FAM177A1: variants seen among roughly 807,000 people sequenced by gnomAD.
The protein encoded by FAM177A1 is protein FAM177A1.
A neutral mutation model predicts 26.1 loss-of-function variants in FAM177A1; 22 were observed. That is an observed-to-expected ratio of 0.84 (90% CI 0.60 to 1.20). The LOEUF (loss-of-function observed/expected upper bound fraction) is 1.20. Ranked by LOEUF, FAM177A1 falls within the 50% of genes most tolerant of loss-of-function variation. The pLI is 0.00. For missense variants in FAM177A1, 296 were observed against 291.1 expected, an observed-to-expected ratio of 1.02 and a Z score of -0.12; for synonymous variants, 95 against 99.3, an observed-to-expected ratio of 0.96 and a Z score of 0.26.
At chr14:35,047,992 G>T (rs2044901059) in intron 1 of FAM177A1, among the ~76,000 whole-genome samples, 1 of 152,110 alleles carries the variant, frequency 6.6e-6, no homozygotes, top group African/African-American at 2.4e-5. Flanking sequence ...AACAGAGCAA[G>T]AACCCATCTC....
Position 35,046,348 on chromosome 14 carries a change from C to T in FAM177A1, c.-116C>T. 8.0e-7 allele frequency: 1 copy of T among 1,245,664 alleles called. No homozygotes were observed. Among genetic ancestry groups the T allele is most frequent in the South Asian group, 1.8e-5 (1 of 54,280 alleles). The allele number at this position is 1,245,664 out of a possible 1,614,324, so 77.2% of individuals were successfully genotyped here. ...GCGCGGGCTGGCCCCGCCCCTCAGG[C>T]CGGCGAGTCCCCTTCTCAGAGACTT... On this transcript the variant is annotated 5_prime_UTR_variant, in exon 1 of 5. Transcript: ENST00000280987.
chr14:35,046,678 G>T (rs1404616623), intron 1 of FAM177A1, 50 bp downstream of exon 1: 5 of 1,493,354 alleles, frequency 3.3e-6, no homozygotes, highest in Non-Finnish European at 4.5e-6. Context: ...CCGCCTCCTT[G>T]CCTTCTCCGC....
chr14:35,059,054 G>T (rs1393529965), intron 2 of FAM177A1, among the ~76,000 whole-genome samples: 1 of 151,960 alleles, frequency 6.6e-6, no homozygotes, highest in Non-Finnish European at 1.5e-5. Flanking sequence ...TCCTGCCTCA[G>T]CCTCCCGAGT....
chr14:35,077,020 T>A, intron 2 of FAM177A1, 130 bp from the exon 3 acceptor site: 3 of 704,104 alleles, frequency 4.3e-6, no homozygotes, highest in Non-Finnish European at 7.6e-6. Context: ...GTTGATTGGA[T>A]TGCAGTCTCT....
chr14:35,076,586 T>TATA (rs1034299181), intron 2 of FAM177A1, among the ~76,000 whole-genome samples: 16 of 152,002 alleles, frequency 1.1e-4, no homozygotes, highest in Non-Finnish European at 1.6e-4. Flanking sequence ...GAACTTAAAG[T>TATA]ATAATAATAA....
intron 1 of FAM177A1, among the ~76,000 whole-genome samples, chr14:35,052,556 T>C (rs897646256): frequency 2.0e-5 from 3 of 151,908 alleles, no homozygotes; most frequent in African/African-American, 7.3e-5. Context: ...AAGAGGACAA[T>C]GAAAAGAAGC....
chr14:35,055,788 C>G (rs2045053006), intron 2 of FAM177A1, among the ~76,000 whole-genome samples: 1 of 152,144 alleles, frequency 6.6e-6, no homozygotes, highest in African/African-American at 2.4e-5. Context: ...TTTTAAATTC[C>G]TACCAGCAGT....
At chr14:35,075,411 A>G (rs754059527) in intron 2 of FAM177A1, among the ~76,000 whole-genome samples, 3 of 152,184 alleles carry the variant, frequency 2.0e-5, no homozygotes, top group Non-Finnish European at 2.9e-5. Context: ...TCCTTTCCCC[A>G]TTTCTTGTTT....
Position 35,081,750 on chromosome 14 carries a change from G to A in FAM177A1, c.*522G>A, listed in dbSNP as rs1174312867. 6.6e-6 allele frequency: 1 copy of A among 152,142 alleles called. No individual in the cohort carries two copies. The highest frequency in any genetic ancestry group is 6.6e-5 in the Admixed American group (1 of 15,264). The allele number at this position is 152,142 out of a possible 1,614,324, so 9.4% of individuals were successfully genotyped here. ...AGCACTTTGAATTTTCTTTCATTGA[G>A]AATAACTGTTTTATGTAAGAATCTG... On this transcript the variant is annotated 3_prime_UTR_variant, in exon 5 of 5. Transcript: ENST00000280987.
intron 1 of FAM177A1, chr14:35,047,009 G>A: frequency 9.8e-7 from 1 of 1,022,732 alleles, no homozygotes; most frequent in Non-Finnish European, 1.2e-6. Flanking sequence ...GCCTGCCTGG[G>A]CATCTGCCCT....
At chr14:35,046,165 C>G, upstream of FAM177A1, 1 of 255,386 alleles carries the variant, frequency 3.9e-6, no homozygotes, top group Non-Finnish European at 7.4e-6. Flanking sequence ...CAGGCGGTGC[C>G]AGGCGGGGAT....
intron 1 of FAM177A1, among the ~76,000 whole-genome samples, chr14:35,052,526 TAGG>T (rs2044990435): frequency 6.6e-6 from 1 of 151,934 alleles, no homozygotes; most frequent in African/African-American, 2.4e-5. Flanking sequence ...GCAGTTTTAT[TAGG>T]AGTTTAAACT....
chr14:35,075,181 A>G (rs1435906120), intron 2 of FAM177A1, among the ~76,000 whole-genome samples: 1 of 152,246 alleles, frequency 6.6e-6, no homozygotes, highest in Non-Finnish European at 1.5e-5. Flanking sequence ...TCTGTTTGGC[A>G]AGCTTCACAA....
chr14:35,070,478 T>C (rs1471272840), intron 2 of FAM177A1, among the ~76,000 whole-genome samples: 1 of 152,026 alleles, frequency 6.6e-6, no homozygotes, highest in Non-Finnish European at 1.5e-5. Context: ...TACAGGTGCA[T>C]GCTACCACAC....
chr14:35,059,610 C>T (rs190439781), intron 2 of FAM177A1, among the ~76,000 whole-genome samples: 247 of 150,326 alleles, frequency 1.6e-3, no homozygotes, highest in African/African-American at 5.8e-3. Context: ...TCTCGGCTCA[C>T]TGCAACCTCT....
chr14:35,058,306 C>T (rs550263330), intron 2 of FAM177A1, among the ~76,000 whole-genome samples: 4 of 152,016 alleles, frequency 2.6e-5, no homozygotes, highest in South Asian at 2.1e-4. Flanking sequence ...CCTCATGATC[C>T]GCCCACCTTG....
rs896346680 is a variant in FAM177A1, at chr14:35,081,890, A to G, written c.*662A>G. On this transcript the variant is annotated 3_prime_UTR_variant, in exon 5 of 5. Coordinates refer to ENST00000280987, the MANE Select transcript of FAM177A1 (RefSeq NM_173607.5). ...CTAGCTTTGAACATAATATTAAAACACTACTTATAGAATAGATTTATTAAT... is the reference window on the plus strand; with the variant it reads ...CTAGCTTTGAACATAATATTAAAACGCTACTTATAGAATAGATTTATTAAT... The G allele has an allele frequency of 3.9e-5, 6 of 152,242 alleles. No individual in the cohort carries two copies. Among genetic ancestry groups the G allele is most frequent in the African/African-American group, 1.4e-4 (6 of 41,456 alleles). 9.4% of individuals were successfully genotyped at this position (152,242 alleles called of 1,614,324 possible).
chr14:35,056,472 C>T (rs1297942744), intron 2 of FAM177A1, among the ~76,000 whole-genome samples: 1 of 152,188 alleles, frequency 6.6e-6, no homozygotes, highest in African/African-American at 2.4e-5. Context: ...TCTCCTGCTT[C>T]AGCCTCCCAA....
At position 35,082,619 on chromosome 14, in the gene FAM177A1, A is replaced by G. The variant is rs1280527785; in HGVS notation, c.*1391A>G. The G allele has an allele frequency of 1.3e-5, 2 of 151,964 alleles. No individual in the cohort carries two copies. The highest frequency in any genetic ancestry group is 2.4e-5 in the African/African-American group (1 of 41,260). 9.4% of individuals were successfully genotyped at this position (151,964 alleles called of 1,614,324 possible). On this transcript the variant is annotated 3_prime_UTR_variant, in exon 5 of 5. Coordinates refer to ENST00000280987, the MANE Select transcript of FAM177A1 (RefSeq NM_173607.5). ...TTTATCAGTATAACATTGATTTATA[A>G]TTAAATGTGGGTGAGGAAGAATGTG...
Sources: allele counts gnomAD v4.1 joint callset (sites outside exome capture counted in the v4.1 genomes callset), GRCh38; gene constraint gnomAD v4.1.1; transcripts MANE v1.5; gene names NCBI Gene and HGNC (gene_info 2026-07-23, HGNC 2026-07-21).